Variants in RPL35 observed in about 807,000 individuals in gnomAD.
The protein encoded by RPL35 is ribosomal protein L35, also known as large ribosomal subunit protein uL29.
In RPL35, 2 loss-of-function variants were observed where a neutral mutation model predicts 15.6. That is an observed-to-expected ratio of 0.13 (90% CI 0.05 to 0.40). The LOEUF (loss-of-function observed/expected upper bound fraction) is 0.40, where lower values mean the gene tolerates loss of function less well. RPL35 is among the 10% of genes least tolerant of loss of function. The pLI is 0.99. For missense variants in RPL35, 111 were observed against 164.7 expected (o/e 0.67, Z 1.79); for synonymous variants, 93 against 67.9 (o/e 1.37, Z -1.82).
chr9:124,861,442 A>G lies in RPL35; in HGVS notation c.117T>C (p.Gly39=), dbSNP rs889411954. 3.1e-6 allele frequency: 5 copies of G among 1,613,330 alleles called. No individual in the cohort carries two copies. The African/African-American group carries it at 6.7e-5, about 22-fold the overall frequency. The part of the protein sequence containing the change: ...SQLRVAKVTG[G]AASKLSKIRV... ...ACATCTTAGAGAGCTTGGAGGCCGCACCGCCTGTCACTTTGGCGACGCGCA... is the reference window on the plus strand; with the variant it reads ...ACATCTTAGAGAGCTTGGAGGCCGCGCCGCCTGTCACTTTGGCGACGCGCA... Residue 39 remains glycine (G), a synonymous_variant, in exon 2 of 4, where the codon GGT becomes GGC. Transcript: ENST00000348462.
rs115194620 is a variant in RPL35 at position 124,860,561 on chromosome 9, G to A, written c.141-297C>T. Among the ~76,000 whole-genome samples, 1,498 of 152,312 alleles carry A rather than the reference G, an allele frequency of 9.8e-3. 18 individuals are homozygous for A. Among genetic ancestry groups the A allele is most frequent in the African/African-American group, 0.034 (1,427 of 41,560 alleles). The stretch of plus-strand genomic sequence containing the variant: ...AGACCCAACCAATGCCAATTTCAAT[G>A]AGCTGATGGGAAGGAATCATGCCAC... On this transcript the variant is annotated intron_variant, in intron 2 of 3. Transcript: ENST00000348462.
chr9:124,858,096 A>G lies in RPL35; in HGVS notation c.223-29T>C, dbSNP rs774082457. ...GGAGACAGACGGCAGGGTGAATCCA[A>G]GGACCCAGGGCTGAGGAGCTACTGC... On this transcript the variant is annotated intron_variant, in intron 3 of 3. Transcript: ENST00000348462. 16 of 1,607,712 alleles carry G rather than the reference A, an allele frequency of 1.0e-5. No individual in the cohort carries two copies. In the East Asian group the frequency reaches 1.3e-4, roughly 13 times the overall value.
rs560383159 is a variant in RPL35 at position 124,861,529 on chromosome 9, G to C, written c.30C>G (p.Arg10=). The change falls in exon 2 of 4, where the codon CGC becomes CGG. Residue 10 remains arginine (R), a synonymous_variant. Transcript: ENST00000348462. MAKIKARDL[R]GKKKEELLKQ... ...TCAGCAGCTCCTCCTTCTTCTTCCCGCGAAGATCTCGAGCCTTGATCTTGG... is the reference window on the plus strand; with the variant it reads ...TCAGCAGCTCCTCCTTCTTCTTCCCCCGAAGATCTCGAGCCTTGATCTTGG... 144 of 1,613,948 alleles carry C rather than the reference G, an allele frequency of 8.9e-5. No individual in the cohort carries two copies. In the South Asian group the frequency reaches 1.5e-3, roughly 17 times the overall value.
chr9:124,858,874 G>T (rs1829152899), intron 3 of RPL35, among the ~76,000 whole-genome samples: 2 of 150,032 alleles, frequency 1.3e-5, no homozygotes, highest in African/African-American at 4.9e-5. Context: ...CATGGTATGG[G>T]GGATTCTGAG....
At chr9:124,858,417 G>A in intron 3 of RPL35, 1 of 704,492 alleles carries the variant, frequency 1.4e-6, no homozygotes, top group Non-Finnish European at 2.6e-6. Context: ...CTAGTACAGG[G>A]CACGCAGCAC....
chr9:124,860,383 C>T (rs1829178146), intron 2 of RPL35, 119 bp from the exon 3 acceptor site: 2 of 836,290 alleles, frequency 2.4e-6, no homozygotes, highest in African/African-American at 3.3e-5. Context: ...CATATTCACT[C>T]AGGAGGAAGG....
At chr9:124,859,807 C>T (rs925700843) in intron 3 of RPL35, among the ~76,000 whole-genome samples, 1 of 152,270 alleles carries the variant, frequency 6.6e-6, no homozygotes, top group African/African-American at 2.4e-5. Flanking sequence ...TCAGGGCCCT[C>T]ATCTGAAAAA....
intron 2 of RPL35, 54 bp from the exon 3 acceptor site, chr9:124,860,318 A>T: frequency 7.1e-7 from 1 of 1,408,556 alleles, no homozygotes; most frequent in Non-Finnish European, 1.0e-6. Flanking sequence ...ACTACCCAAG[A>T]CTCAGGACTC....
intron 3 of RPL35, among the ~76,000 whole-genome samples, 189 bp downstream of exon 3, chr9:124,859,994 G>A (rs1829170729): frequency 6.6e-6 from 1 of 152,212 alleles, no homozygotes; most frequent in Non-Finnish European, 1.5e-5. Flanking sequence ...TCTGCAGCCT[G>A]AGGAAGTGGT....
rs750326021 is a variant in RPL35, at chr9:124,861,519, T to C, written c.40A>G (p.Lys14Glu). 35 of 1,613,800 alleles carry C rather than the reference T, an allele frequency of 2.2e-5. No individual in the cohort carries two copies. Among genetic ancestry groups the C allele is most frequent in the African/African-American group, 2.7e-5 (2 of 74,898 alleles). The change falls in exon 2 of 4, where the codon AAG becomes GAG. Residue 14 changes from lysine (K) to glutamate (E), a missense_variant. Lys to Glu is a moderately conservative substitution (Grantham distance 56, BLOSUM62 1). Coordinates refer to ENST00000348462, the MANE Select transcript of RPL35 (RefSeq NM_007209.4). Reference sequence around the variant, plus strand: ...TCCAGCTGTTTCAGCAGCTCCTCCTTCTTCTTCCCGCGAAGATCTCGAGCC... The same window carrying C: ...TCCAGCTGTTTCAGCAGCTCCTCCTCCTTCTTCCCGCGAAGATCTCGAGCC... ...IKARDLRGKK[K>E]EELLKQLDDL...
chr9:124,860,123 C>T, intron 3 of RPL35, 60 bp downstream of exon 3: 2 of 1,263,792 alleles, frequency 1.6e-6, no homozygotes, highest in Admixed American at 3.4e-5. Context: ...TGTCCCCGGC[C>T]AGGGACGGCT....
intron 3 of RPL35, 52 bp downstream of exon 3, chr9:124,860,131 G>C (rs1257065407): frequency 7.4e-7 from 1 of 1,356,030 alleles, no homozygotes; most frequent in African/African-American, 1.4e-5. Context: ...GCCAGGGACG[G>C]CTAGCACTTG....
At chr9:124,858,330 ATC>A (rs1829139630) in intron 3 of RPL35, 1 of 623,042 alleles carries the variant, frequency 1.6e-6, no homozygotes, top group Non-Finnish European at 3.0e-6. Context: ...CGGGGCTTGC[ATC>A]TCAGTCAAGT....
At chr9:124,859,951 C>T (rs1829170140) in intron 3 of RPL35, among the ~76,000 whole-genome samples, 1 of 152,188 alleles carries the variant, frequency 6.6e-6, no homozygotes, top group Non-Finnish European at 1.5e-5. Flanking sequence ...AGTCTCCAGC[C>T]AGGACACCCC....
At chr9:124,858,251 C>T (rs1829138280) in intron 3 of RPL35, 184 bp from the exon 4 acceptor site, 2 of 632,292 alleles carry the variant, frequency 3.2e-6, no homozygotes, top group Admixed American at 2.8e-5. Context: ...GTGGGACCAT[C>T]CTCATTTCAT....
intron 3 of RPL35, among the ~76,000 whole-genome samples, chr9:124,858,976 G>A (rs140570863): frequency 1.3e-5 from 2 of 152,202 alleles, no homozygotes; most frequent in African/African-American, 2.4e-5. Context: ...TTGGAAGCAG[G>A]AAAGTCTTTG....
In RPL35 at chr9:124,861,559, C is replaced by A. The variant is rs1217419868; in HGVS notation, c.4-4G>T. Reference sequence around the variant, plus strand: ...GATCTCGAGCCTTGATCTTGGCCTGCGCGCAAGAGAGAGTGTGCCTCAGCC... The same window carrying A: ...GATCTCGAGCCTTGATCTTGGCCTGAGCGCAAGAGAGAGTGTGCCTCAGCC... On this transcript the variant is annotated splice_polypyrimidine_tract_variant and splice_region_variant and intron_variant, in intron 1 of 3. Transcript: ENST00000348462. 6.2e-7 allele frequency: 1 copy of A among 1,613,372 alleles called. No individual in the cohort carries two copies. The highest frequency in any genetic ancestry group is 2.2e-5 in the East Asian group (1 of 44,872).
chr9:124,858,023 A>G lies in RPL35; in HGVS notation c.267T>C (p.Arg89=), dbSNP rs370854864. Residue 89 remains arginine, a synonymous_variant, in exon 4 of 4, where the codon CGT becomes CGC. Coordinates refer to ENST00000348462, the MANE Select transcript of RPL35 (RefSeq NM_007209.4). ...KPLDLRPKKT[R]AMRRRLNKHE... ...GCTTGTTGAGCCGGCGGCGCATGGC[A>G]CGTGTCTTCTTAGGCCGCAGGTCCA... 47 of 1,612,334 alleles carry G rather than the reference A, an allele frequency of 2.9e-5. No homozygotes were observed. Among genetic ancestry groups the G allele is most frequent in the Non-Finnish European group, 3.6e-5 (43 of 1,180,028 alleles).
chr9:124,857,942 C>G lies in RPL35; in HGVS notation c.348G>C (p.Leu116=), dbSNP rs764790274. The G allele has an allele frequency of 8.3e-5, 134 of 1,612,122 alleles. No individual in the cohort carries two copies. The highest frequency in any genetic ancestry group is 1.0e-4 in the Non-Finnish European group (121 of 1,180,046). The change falls in exon 4 of 4, where the codon CTG becomes CTC. Residue 116 remains leucine (L), a synonymous_variant. Transcript: ENST00000348462. The part of the protein sequence containing the change: ...KQQRKERLYP[L]RKYAVKA The stretch of plus-strand genomic sequence containing the variant: ...CTCAGGCCTTGACCGCGTACTTCCG[C>G]AGCGGGTACAGCCGCTCCTTCCGCT...
Sources: gnomAD v4.1 joint callset for allele counts (sites outside exome capture counted in the v4.1 genomes callset) on GRCh38, gnomAD v4.1.1 for gene constraint, MANE v1.5 for transcripts, NCBI Gene and HGNC (gene_info 2026-07-23, HGNC 2026-07-21) for gene names.